The following CLEC10A variants were observed in gnomAD, a reference collection of about 807,000 sequenced individuals.
The protein encoded by CLEC10A is C-type lectin domain family 10 member A.
A neutral mutation model predicts 42.0 loss-of-function variants in CLEC10A; 38 were observed. The observed-to-expected ratio is 0.90, with a 90% CI of 0.70 to 1.18. The LOEUF is 1.18. Ranked by LOEUF, CLEC10A falls within the 50% of genes most tolerant of loss-of-function variation. CLEC10A has a pLI of 0.00. For missense variants in CLEC10A, 298 were observed against 345.9 expected, an observed-to-expected ratio of 0.86 and a Z score of 1.10; for synonymous variants, 126 against 139.9, an observed-to-expected ratio of 0.90 and a Z score of 0.70.
chr17:7,075,508 G>A (rs1911674058), intron 7 of CLEC10A, 42 bp from the exon 8 acceptor site: 1 of 1,490,374 alleles, frequency 6.7e-7, no homozygotes, highest in Non-Finnish European at 9.1e-7. Flanking sequence ...TCCCATCCCA[G>A]CCAACTCCTT....
Position 7,075,348 on chromosome 17 carries a change from G to C in CLEC10A, c.701+12C>G. ...CGGAGGACATTGGCACAGAAAGCCA[G>C]GGTGCACTCACTGGAAGCCGGTCGC... On this transcript the variant is annotated intron_variant, in intron 8 of 8. Coordinates refer to ENST00000416562, the MANE Select transcript of CLEC10A (RefSeq NM_001330070.2). 1.3e-6 allele frequency: 2 copies of C among 1,514,576 alleles called. No homozygotes were observed. The highest frequency in any genetic ancestry group is 1.8e-6 in the Non-Finnish European group (2 of 1,134,024). The allele number at this position is 1,514,576 out of a possible 1,614,324, so 93.8% of individuals were successfully genotyped here. A position where few individuals can be genotyped will look rare whatever the true frequency, so the allele number is the denominator to read the frequency against.
At position 7,074,929 on chromosome 17, in the gene CLEC10A, A is replaced by C. The variant is rs1456816831; in HGVS notation, c.*125T>G. 5.9e-6 allele frequency: 4 copies of C among 680,272 alleles called. No individual in the cohort carries two copies. The highest frequency in any genetic ancestry group is 6.9e-5 in the Admixed American group (2 of 29,004). 42.1% of individuals were successfully genotyped at this position (680,272 alleles called of 1,614,324 possible). ...AAAATTAAAGAGAAAAAAATTCAAA[A>C]TGTTAGCAGTGCTTCCAATCTCCCA... On this transcript the variant is annotated 3_prime_UTR_variant, in exon 9 of 9. Transcript: ENST00000416562.
rs200835319 is a variant in CLEC10A, at chr17:7,078,083, C to A, written c.98G>T (p.Arg33Leu). The change falls in exon 3 of 9, where the codon CGT (arginine) becomes CTT (leucine). Residue 33 changes from arginine (R) to leucine (L), a missense_variant. This residue lies in a region of CLEC10A where 27 missense variants were observed against 37.0 expected (regional missense o/e 0.73). Coordinates refer to ENST00000416562, the MANE Select transcript of CLEC10A (RefSeq NM_001330070.2). Reference protein sequence around the residue: ...GPLPLQSLLQRLCSGPCHLLL... With the variant: ...GPLPLQSLLQLLCSGPCHLLL... ...GAGATGGCAGGGCCCAGAGCAGAGA[C>A]GCTGCAGGAGGGACTGGAGAGGAAG... 6.2e-7 allele frequency: 1 copy of A among 1,613,530 alleles called. No homozygotes were observed. The highest frequency in any genetic ancestry group is 2.2e-5 in the East Asian group (1 of 44,878).
rs552400469 is a variant in CLEC10A, at chr17:7,075,133, C to T, written c.791G>A (p.Trp264Ter). Residue 264 changes from tryptophan to a stop codon, truncating the protein, a stop_gained, in exon 9 of 9, where the codon TGG (tryptophan) becomes TAG (stop). Transcript: ENST00000416562. LOFTEE classifies it high-confidence loss of function. ...GGGCCTCTGGCAGACGTCGTCATTCCACCTGCCGTCTGGATGGAAGTGAGC... is the reference window on the plus strand; with the variant it reads ...GGGCCTCTGGCAGACGTCGTCATTCTACCTGCCGTCTGGATGGAAGTGAGC... Reference protein sequence around the residue: ...DCAHFHPDGRWNDDVCQRPYH... With the variant: ...DCAHFHPDGR The T allele has an allele frequency of 3.7e-5, 59 of 1,608,770 alleles. No individual in the cohort carries two copies. The East Asian group carries it at 1.2e-3, about 33-fold the overall frequency.
chr17:7,078,163 G>A (rs768254904), intron 2 of CLEC10A, 50 bp from the exon 3 acceptor site: 98 of 1,405,490 alleles, frequency 7.0e-5, no homozygotes, highest in Non-Finnish European at 8.8e-5. Flanking sequence ...CACCGGAGAC[G>A]GGAGAAGGAG....
At chr17:7,076,485 A>AT (rs934410465) in intron 5 of CLEC10A, among the ~76,000 whole-genome samples, 12 of 149,152 alleles carry the variant, frequency 8.0e-5, no homozygotes, top group East Asian at 2.0e-4. Flanking sequence ...TATTTTTTGT[A>AT]TTTTTTTTAG....
rs1167387832 is a variant in CLEC10A at position 7,078,774 on chromosome 17, A to T, written c.39T>A (p.Asn13Lys). The T allele has an allele frequency of 3.1e-6, 5 of 1,614,040 alleles. No homozygotes were observed. In the African/African-American group the frequency reaches 5.3e-5, roughly 17 times the overall value. The change falls in exon 2 of 9, where the codon AAT (asparagine) becomes AAA (lysine). Residue 13 changes from asparagine (N) to lysine (K), a missense_variant. Transcript: ENST00000416562. ...TTTTAAACCCCTGGACTTTCACCTTATTCTCCAAGTACTGGAAGTTTTCAT... is the reference window on the plus strand; with the variant it reads ...TTTTAAACCCCTGGACTTTCACCTTTTTCTCCAAGTACTGGAAGTTTTCAT... ...RTYENFQYLE[N>K]KVKVQGFKNG... is the part of the protein sequence containing the mutation.
Position 7,075,378 on chromosome 17 carries a change from T to A in CLEC10A, c.683A>T (p.Asp228Val). ...EGAWKWVDGT[D>V]YATGFQNWKP... ...CACTCACTGGAAGCCGGTCGCATAG[T>A]CTGTTCCATCCACCCACTTCCAGGC... The change falls in exon 8 of 9, where the codon GAC becomes GTC. Residue 228 changes from aspartate to valine, a missense_variant. By Grantham distance (152) the Asp-to-Val change is radical. Transcript: ENST00000416562. 1 of 1,519,060 alleles carries A rather than the reference T, an allele frequency of 6.6e-7. No individual in the cohort carries two copies. Among genetic ancestry groups the A allele is most frequent in the Non-Finnish European group, 8.8e-7 (1 of 1,136,150 alleles). The allele number at this position is 1,519,060 out of a possible 1,614,324, so 94.1% of individuals were successfully genotyped here. A position where few individuals can be genotyped will look rare whatever the true frequency, so the allele number is the denominator to read the frequency against.
chr17:7,078,612 C>A, intron 2 of CLEC10A, 134 bp downstream of exon 2: 1 of 815,768 alleles, frequency 1.2e-6, no homozygotes. Context: ...ACACTAGGCC[C>A]GTCAGAGGCT....
At chr17:7,076,096 G>C (rs756447871) in intron 5 of CLEC10A, 25 bp from the exon 6 acceptor site, 2 of 1,613,992 alleles carry the variant, frequency 1.2e-6, no homozygotes, top group African/African-American at 2.7e-5. Context: ...GATGGGCAGT[G>C]GGGACAGTGG....
At chr17:7,076,852 G>T in intron 4 of CLEC10A, 40 bp downstream of exon 4, 2 of 1,613,356 alleles carry the variant, frequency 1.2e-6, no homozygotes, top group Non-Finnish European at 1.7e-6. Context: ...CTCCTCCCTG[G>T]CCTGGCCCCA....
In CLEC10A at chr17:7,077,107, C is replaced by G. The variant is rs1911807458; in HGVS notation, c.185-120G>C. The G allele has an allele frequency of 5.6e-6, 4 of 712,992 alleles. No homozygotes were observed. In the South Asian group the frequency reaches 6.2e-5, roughly 11 times the overall value. 44.2% of individuals were successfully genotyped at this position (712,992 alleles called of 1,614,324 possible). ...CCTCACGGCAACCCAGTGGGGCAGG[C>G]ACTATTATTGTTCAATATTGCCGAT... On this transcript the variant is annotated intron_variant, in intron 3 of 8. Coordinates refer to ENST00000416562, the MANE Select transcript of CLEC10A (RefSeq NM_001330070.2).
chr17:7,079,280 A>G (rs1193230737), intron 1 of CLEC10A, among the ~76,000 whole-genome samples: 1 of 152,092 alleles, frequency 6.6e-6, no homozygotes, highest in Non-Finnish European at 1.5e-5. Flanking sequence ...TTGGGGTTGA[A>G]GTAGGAGCTG....
chr17:7,078,504 C>A, intron 2 of CLEC10A: 1 of 558,800 alleles, frequency 1.8e-6, no homozygotes, highest in Non-Finnish European at 3.2e-6. Flanking sequence ...TTCCCTCCAC[C>A]AATGCGCAGC....
intron 3 of CLEC10A, 40 bp from the exon 4 acceptor site, chr17:7,077,027 A>G: frequency 7.0e-7 from 1 of 1,435,224 alleles, no homozygotes; most frequent in Non-Finnish European, 9.8e-7. Flanking sequence ...GGGATTCATC[A>G]GGTCCTCTGT....
rs777844642 is a variant in CLEC10A, at chr17:7,075,998, A to G, written c.426T>C (p.Thr142=). The G allele has an allele frequency of 2.5e-6, 4 of 1,614,220 alleles. No individual in the cohort carries two copies. The highest frequency in any genetic ancestry group is 3.4e-6 in the Non-Finnish European group (4 of 1,180,038). Residue 142 remains threonine (T), a synonymous_variant, in exon 6 of 9, where the codon ACT becomes ACC. Transcript: ENST00000416562. ...TACCTTCCTCACCATTGTTGTTGAG[A>G]GTAGCCACCTGGCAGGTCAGTTTCT... ...DLKKLTCQVA[T]LNNNASTEGT...
rs773008130 is a variant in CLEC10A at position 7,076,128 on chromosome 17, G to A, written c.353-57C>T. 2.5e-6 allele frequency: 4 copies of A among 1,613,912 alleles called. No homozygotes were observed. In the African/African-American group the frequency reaches 5.3e-5, roughly 22 times the overall value. On this transcript the variant is annotated intron_variant, in intron 5 of 8. Transcript: ENST00000416562. ...GTGGCCTAGGTGTGCCTTCTGCGTA[G>A]TGTGTTCCTGGAGCTCAGATACCCC...
At chr17:7,076,193 AC>A in intron 5 of CLEC10A, 122 bp from the exon 6 acceptor site, 1 of 1,100,082 alleles carries the variant, frequency 9.1e-7, no homozygotes, top group East Asian at 4.1e-5. Context: ...TCCCGCCCCC[AC>A]CCACCCCCTA....
rs762279650 is a variant in CLEC10A at position 7,075,224 on chromosome 17, T to C, written c.702-2A>G. The C allele has an allele frequency of 4.6e-6, 7 of 1,529,614 alleles. No individual in the cohort carries two copies. The Admixed American group carries it at 9.0e-5, about 20-fold the overall frequency. 94.8% of individuals were successfully genotyped at this position (1,529,614 alleles called of 1,614,324 possible). ...TCTGGCTGGCCTGGCTTCCAGTTCC[T>C]GAGAGGAAAAGACAACAGCAAGCTA... is the stretch of plus-strand genomic sequence containing the variant. On this transcript the variant is annotated splice_acceptor_variant, in intron 8 of 8. Coordinates refer to ENST00000416562, the MANE Select transcript of CLEC10A (RefSeq NM_001330070.2). LOFTEE classifies it high-confidence loss of function.
Sources: allele counts gnomAD v4.1 joint callset (sites outside exome capture counted in the v4.1 genomes callset), GRCh38; gene constraint gnomAD v4.1.1; regional missense constraint gnomAD v4.1.1; transcripts MANE v1.5; gene names NCBI Gene and HGNC (gene_info 2026-07-23, HGNC 2026-07-21).